The following CFAP58 variants were observed in gnomAD, a reference collection of about 807,000 sequenced individuals.
The protein encoded by CFAP58 is cilia- and flagella-associated protein 58.
Under a neutral mutation model 119.5 loss-of-function variants are expected in CFAP58, and 88 were observed. The ratio of observed to expected loss-of-function variants is 0.74; its 90% CI spans 0.62 to 0.88. CFAP58 has a LOEUF of 0.88. Ranked by LOEUF, CFAP58 falls within the 40% of genes least tolerant of loss-of-function variation. The probability of loss-of-function intolerance (pLI) is 0.00; values close to 1 mark genes in which losing one functional copy is unlikely to be tolerated. For synonymous variants in CFAP58, 365 were observed against 366.3 expected, an observed-to-expected ratio of 1.00 and a Z score of 0.04; for missense variants, 990 against 1,021.2, an observed-to-expected ratio of 0.97 and a Z score of 0.42.
chr10:104,394,230 T>C (rs1029585095), intron 11 of CFAP58, among the ~76,000 whole-genome samples: 5 of 152,250 alleles, frequency 3.3e-5, no homozygotes, highest in African/African-American at 1.2e-4. Context: ...TGTATTTTTC[T>C]TTTTCCTATC....
rs1483188999 is a variant in CFAP58, at chr10:104,358,347, G to A, written c.16G>A (p.Gly6Ser). The A allele has an allele frequency of 3.1e-6, 5 of 1,609,906 alleles. No individual in the cohort carries two copies. In the South Asian group the frequency reaches 4.4e-5, roughly 14 times the overall value. MAEEKGGKQVLEESAF... is the reference protein window; with the variant it reads MAEEKSGKQVLEESAF... ...CCCTGCTTTTTTTCTATAGGAAAAG[G>A]GTGGAAAGCAAGTCCTGGAAGAATC... is the stretch of plus-strand genomic sequence containing the variant. Residue 6 changes from glycine (G) to serine (S), a missense_variant, in exon 2 of 18, where the codon GGT becomes AGT. Coordinates refer to ENST00000369704, the MANE Select transcript of CFAP58 (RefSeq NM_001008723.2).
chr10:104,383,258 T>C (rs2011854385), intron 9 of CFAP58, among the ~76,000 whole-genome samples: 1 of 152,226 alleles, frequency 6.6e-6, no homozygotes, highest in Non-Finnish European at 1.5e-5. Context: ...TTAATGTCTC[T>C]GGAATGATGA....
the CFAP58 span, among the ~76,000 whole-genome samples, chr10:104,344,289 A>G: frequency 2.6e-5 from 4 of 152,366 alleles, no homozygotes; most frequent in East Asian, 7.7e-4. Flanking sequence ...ACCTTAATTC[A>G]CTTATTCATT....
chr10:104,448,946 C>G (rs1334924736), intron 16 of CFAP58, among the ~76,000 whole-genome samples: 2 of 152,248 alleles, frequency 1.3e-5, no homozygotes, highest in Non-Finnish European at 2.9e-5. Flanking sequence ...CCTTCAAAGG[C>G]TCACAGGAGC....
chr10:104,429,273 C>T (rs955159208), intron 15 of CFAP58, among the ~76,000 whole-genome samples: 1 of 152,012 alleles, frequency 6.6e-6, no homozygotes, highest in African/African-American at 2.4e-5. Context: ...CAGGCAGAGG[C>T]TAATGTGCTG....
chr10:104,369,064 G>T (rs2014789734), intron 6 of CFAP58, among the ~76,000 whole-genome samples: 1 of 152,116 alleles, frequency 6.6e-6, no homozygotes, highest in African/African-American at 2.4e-5. Context: ...AAGAGTGCTT[G>T]CAAATTCTTC....
chr10:104,357,904 C>CAT (rs1271286506), intron 1 of CFAP58, among the ~76,000 whole-genome samples: 4 of 98,156 alleles, frequency 4.1e-5, no homozygotes, highest in African/African-American at 2.3e-4. Context: ...TATATGTACA[C>CAT]ATATACACAC....
chr10:104,418,957 T>C (rs2012598219), intron 15 of CFAP58, among the ~76,000 whole-genome samples: 1 of 152,076 alleles, frequency 6.6e-6, no homozygotes, highest in African/African-American at 2.4e-5. Flanking sequence ...TGTTCTAAAA[T>C]CAAGGGGTAG....
intron 9 of CFAP58, among the ~76,000 whole-genome samples, chr10:104,386,346 C>T (rs1589917529): frequency 6.8e-6 from 1 of 146,388 alleles, no homozygotes; most frequent in African/African-American, 2.5e-5. Flanking sequence ...CATTGCACTC[C>T]AGCCTGGGTG....
At chr10:104,420,886 G>T (rs2133067470) in intron 15 of CFAP58, among the ~76,000 whole-genome samples, 1 of 151,658 alleles carries the variant, frequency 6.6e-6, no homozygotes, top group Admixed American at 6.6e-5. Flanking sequence ...CTGAGTAGCT[G>T]GGACTACAGT....
At chr10:104,440,382 A>G (rs1006561929) in intron 15 of CFAP58, among the ~76,000 whole-genome samples, 2 of 152,170 alleles carry the variant, frequency 1.3e-5, no homozygotes, top group Non-Finnish European at 2.9e-5. Flanking sequence ...TGGTTGGGTC[A>G]GGAATCCATT....
chr10:104,452,742 CAG>C (rs962410555), intron 17 of CFAP58, among the ~76,000 whole-genome samples: 2 of 152,202 alleles, frequency 1.3e-5, no homozygotes, highest in East Asian at 1.9e-4. Flanking sequence ...CTGGGTATAA[CAG>C]AAAGTTCAAT....
At chr10:104,350,116 T>TCTCCTGA (rs2014442929), upstream of CFAP58, among the ~76,000 whole-genome samples, 1 of 152,316 alleles carries the variant, frequency 6.6e-6, no homozygotes, top group African/African-American at 2.4e-5. Flanking sequence ...CGTGCACAAT[T>TCTCCTGA]TGCTTCTCCT....
chr10:104,452,053 GA>G (rs1168739424), intron 17 of CFAP58, among the ~76,000 whole-genome samples: 1 of 152,014 alleles, frequency 6.6e-6, no homozygotes, highest in Non-Finnish European at 1.5e-5. Flanking sequence ...AAACGTTTTT[GA>G]ACTTGCAGAT....
chr10:104,362,193 G>A (rs752820680), intron 3 of CFAP58, 22 bp downstream of exon 3: 2 of 1,596,988 alleles, frequency 1.3e-6, no homozygotes, highest in East Asian at 2.2e-5. Context: ...CCTTGTTGAT[G>A]TATGTTAAAC....
chr10:104,451,308 G>C (rs1161067542), intron 17 of CFAP58, among the ~76,000 whole-genome samples: 2 of 152,174 alleles, frequency 1.3e-5, no homozygotes, highest in Non-Finnish European at 2.9e-5. Flanking sequence ...GTAAAAGTCT[G>C]CCCTTCTTGT....
chr10:104,366,399 G>C (rs751421399), intron 5 of CFAP58, among the ~76,000 whole-genome samples: 2 of 152,078 alleles, frequency 1.3e-5, no homozygotes, highest in African/African-American at 4.8e-5. Flanking sequence ...CTCCCTCTTA[G>C]TCCTTCTCCC....
At chr10:104,387,722 T>C (rs1356656394) in intron 9 of CFAP58, among the ~76,000 whole-genome samples, 2 of 152,316 alleles carry the variant, frequency 1.3e-5, no homozygotes, top group East Asian at 3.9e-4. Context: ...AAACCACTCC[T>C]AGTAAATTAT....
In CFAP58 at chr10:104,365,916, A is replaced by G. The variant is rs138120729; in HGVS notation, c.700A>G (p.Ser234Gly). 6.2e-6 allele frequency: 10 copies of G among 1,613,616 alleles called. No homozygotes were observed. The African/African-American group carries it at 9.3e-5, about 15-fold the overall frequency. Residue 234 changes from serine to glycine, a missense_variant, in exon 5 of 18, where the codon AGC becomes GGC. Physicochemically the swap from Ser to Gly is moderately conservative, Grantham distance 56 (BLOSUM62 0). Transcript: ENST00000369704. Reference sequence around the variant, plus strand: ...CAAGCAGATTCAGGCAGACATGGACAGCAGGCAGACAGAAATAAAAGCCCT... The same window carrying G: ...CAAGCAGATTCAGGCAGACATGGACGGCAGGCAGACAGAAATAAAAGCCCT... Reference protein sequence around the residue: ...ELKQIQADMDSRQTEIKALQQ... With the variant: ...ELKQIQADMDGRQTEIKALQQ...
Sources: allele counts gnomAD v4.1 joint callset (sites outside exome capture counted in the v4.1 genomes callset), GRCh38; gene constraint gnomAD v4.1.1; transcripts MANE v1.5; gene names NCBI Gene and HGNC (gene_info 2026-07-23, HGNC 2026-07-21).